Variants in SHKBP1 observed in about 807,000 individuals in gnomAD.
SHKBP1 encodes the protein SH3KBP1 binding protein 1, also known as SH3KBP1-binding protein 1.
In SHKBP1, 71 loss-of-function variants were observed where a neutral mutation model predicts 83.9. That is an observed-to-expected ratio of 0.85 (90% confidence interval 0.70 to 1.03). SHKBP1 has a LOEUF of 1.03. Among genes scored for constraint, SHKBP1 ranks in the 50% least tolerant of loss-of-function variants. The pLI is 0.00. For missense variants in SHKBP1, 824 were observed against 982.4 expected (o/e 0.84, Z 2.16); for synonymous variants, 371 against 398.0 (o/e 0.93, Z 0.81).
rs1435120094 is a variant in SHKBP1, at chr19:40,586,820, G to A, written c.1212G>A (p.Gly404=). ...WIEIAYGTSS[G]GVRVIVQHPE... is the part of the protein sequence containing the mutation. The stretch of plus-strand genomic sequence containing the variant: ...AGATCGCCTATGGCACCAGCTCAGG[G>A]GGCGTGCGGGTCATCGTGCAGCACC... Residue 404 remains glycine (G), a synonymous_variant, in exon 13 of 18, where the codon GGG becomes GGA. Coordinates refer to ENST00000291842, the MANE Select transcript of SHKBP1 (RefSeq NM_138392.4). The A allele has an allele frequency of 1.2e-6, 2 of 1,610,026 alleles. No individual in the cohort carries two copies. The highest frequency in any genetic ancestry group is 1.7e-6 in the Non-Finnish European group (2 of 1,177,402).
In SHKBP1 at chr19:40,591,068, G is replaced by C. The variant is rs1163700635; in HGVS notation, c.1985G>C (p.Ser662Thr). The change falls in exon 18 of 18, where the codon AGC (serine) becomes ACC (threonine). Residue 662 changes from serine (S) to threonine (T), a missense_variant. By Grantham distance (58) the Ser-to-Thr change is moderately conservative. This residue lies in a region of SHKBP1 where 287 missense variants were observed against 322.9 expected (regional missense o/e 0.89). Coordinates refer to ENST00000291842, the MANE Select transcript of SHKBP1 (RefSeq NM_138392.4). ...GAGGCCCGGCGCCGTGGTGGGGGCAGCTTTGTGGAACGCTGCCAGGAACTG... is the reference window on the plus strand; with the variant it reads ...GAGGCCCGGCGCCGTGGTGGGGGCACCTTTGTGGAACGCTGCCAGGAACTG... ...QAEARRRGGG[S>T]FVERCQELVR... The C allele has an allele frequency of 6.2e-7, 1 of 1,612,842 alleles. No individual in the cohort carries two copies. The highest frequency in any genetic ancestry group is 8.5e-7 in the Non-Finnish European group (1 of 1,179,252).
chr19:40,577,765 G>T, intron 4 of SHKBP1, 135 bp downstream of exon 4: 1 of 1,114,390 alleles, frequency 9.0e-7, no homozygotes, highest in Non-Finnish European at 1.3e-6. Flanking sequence ...GGCCGGGCGC[G>T]CCGGGATTGC....
rs1230696988 is a variant in SHKBP1 at position 40,580,736 on chromosome 19, G to A, written c.654-10G>A. On this transcript the variant is annotated splice_polypyrimidine_tract_variant and intron_variant, in intron 8 of 17. Coordinates refer to ENST00000291842, the MANE Select transcript of SHKBP1 (RefSeq NM_138392.4). ...CGGTGAGGGTTGGTGATGTCCCCTC[G>A]ATCCTACAGGTTGAAGGAAGCCTCT... 9.9e-6 allele frequency: 16 copies of A among 1,612,182 alleles called. No homozygotes were observed. Among genetic ancestry groups the A allele is most frequent in the East Asian group, 2.2e-5 (1 of 44,860 alleles).
At position 40,580,956 on chromosome 19, in the gene SHKBP1, C is replaced by T. The variant is rs1444072192; in HGVS notation, c.844+20C>T. 1 of 1,515,080 alleles carries T rather than the reference C, an allele frequency of 6.6e-7. No individual in the cohort carries two copies. The highest frequency in any genetic ancestry group is 8.8e-7 in the Non-Finnish European group (1 of 1,133,266). 93.9% of individuals were successfully genotyped at this position (1,515,080 alleles called of 1,614,324 possible). A position where few individuals can be genotyped will look rare whatever the true frequency, so the allele number is the denominator to read the frequency against. ...AGATAGGTATGACCCCAAGCCTTTT[C>T]CAGAACCCTCTGTCCTTTAAATTCT... On this transcript the variant is annotated intron_variant, in intron 9 of 17. Coordinates refer to ENST00000291842, the MANE Select transcript of SHKBP1 (RefSeq NM_138392.4).
rs760417133 is a variant in SHKBP1, at chr19:40,590,787, C to T, written c.1826C>T (p.Pro609Leu). 1.2e-5 allele frequency: 20 copies of T among 1,602,580 alleles called. No individual in the cohort carries two copies. In the East Asian group the frequency reaches 1.6e-4, roughly 13 times the overall value. The part of the protein sequence containing the change: ...MEQLEHCELA[P>L]PAPSAPSWGC... ...CAGCTGGAACACTGTGAGCTGGCCC[C>T]GCCGGCTCCTTCAGCTCCCTCATGG... is the stretch of plus-strand genomic sequence containing the variant. The change falls in exon 17 of 18, where the codon CCG becomes CTG. Residue 609 changes from proline to leucine, a missense_variant. Physicochemically the swap from Pro to Leu is moderately conservative, Grantham distance 98 (BLOSUM62 -3). Transcript: ENST00000291842. The surrounding 1 kb of genome is among the most constrained non-coding windows in gnomAD (Gnocchi z 4.6).
rs1211760211 is a variant in SHKBP1, at chr19:40,578,156, G to T, written c.263G>T (p.Gly88Val). ...CTCTAGTCAATTCTACTACCCAGGG[G>T]TGTCCACGGTTCCAGCCTCCTCCAT... ...FLRTKELDPRGVHGSSLLHEA... is the reference protein window; with the variant it reads ...FLRTKELDPRVVHGSSLLHEA... The change falls in exon 5 of 18, where the codon GGT becomes GTT. Residue 88 changes from glycine (G) to valine (V), a missense_variant and splice_region_variant. Transcript: ENST00000291842. The T allele has an allele frequency of 6.2e-7, 1 of 1,613,936 alleles. No homozygotes were observed. Among genetic ancestry groups the T allele is most frequent in the Admixed American group, 1.7e-5 (1 of 60,014 alleles).
chr19:40,589,760 A>G (rs2081342307), intron 15 of SHKBP1, among the ~76,000 whole-genome samples: 1 of 152,030 alleles, frequency 6.6e-6, no homozygotes, highest in Admixed American at 6.5e-5. Flanking sequence ...AGAGGCTGAG[A>G]AGGGCCAAAT....
intron 10 of SHKBP1, 123 bp downstream of exon 10, chr19:40,582,589 A>C: frequency 1.3e-6 from 1 of 746,154 alleles, no homozygotes; most frequent in Non-Finnish European, 2.2e-6. Context: ...GAGAACCAGC[A>C]GCTGGCCAGA....
At position 40,576,951 on chromosome 19, in the gene SHKBP1, G is replaced by C; in HGVS notation, c.52G>C (p.Gly18Arg). 1.3e-6 allele frequency: 2 copies of C among 1,504,018 alleles called. No individual in the cohort carries two copies. Among genetic ancestry groups the C allele is most frequent in the Non-Finnish European group, 1.8e-6 (2 of 1,130,874 alleles). The allele number at this position is 1,504,018 out of a possible 1,614,324, so 93.2% of individuals were successfully genotyped here. A position where few individuals can be genotyped will look rare whatever the true frequency, so the allele number is the denominator to read the frequency against. Reference sequence around the variant, plus strand: ...GGGGGTCCCCAGTCGGGGGCCTCCCGGGGAAGTCATTCATCTGAATGTGGG... The same window carrying C: ...GGGGGTCCCCAGTCGGGGGCCTCCCCGGGAAGTCATTCATCTGAATGTGGG... Reference protein sequence around the residue: ...AEGVPSRGPPGEVIHLNVGGK... With the variant: ...AEGVPSRGPPREVIHLNVGGK... Residue 18 changes from glycine (G) to arginine (R), a missense_variant, in exon 1 of 18, where the codon GGG becomes CGG. Physicochemically the swap from Gly to Arg is moderately radical, Grantham distance 125. This residue lies in a region of SHKBP1 where 355 missense variants were observed against 386.4 expected (regional missense o/e 0.92). Coordinates refer to ENST00000291842, the MANE Select transcript of SHKBP1 (RefSeq NM_138392.4).
Position 40,582,354 on chromosome 19 carries a change from TC to T in SHKBP1, c.849del (p.His285IlefsTer74). On this transcript the variant is annotated frameshift_variant, in exon 10 of 18. Transcript: ENST00000291842. LOFTEE classifies it high-confidence loss of function. ...QAEGGGSEIG[V>X]FHLGVPVEAL... ...GAGCCCTTTTTGCCCACTGCAGGGGTCTTTCATCTGGGGGTGCCTGTGGAGG... is the reference window on the plus strand; with the variant it reads ...GAGCCCTTTTTGCCCACTGCAGGGGTTTTCATCTGGGGGTGCCTGTGGAGG... 6.2e-7 allele frequency: 1 copy of T among 1,613,584 alleles called. No homozygotes were observed.
In SHKBP1 at chr19:40,582,927, G is replaced by C. The variant is rs144620324; in HGVS notation, c.960+461G>C. Among the ~76,000 whole-genome samples the C allele has an allele frequency of 1.4e-3, 217 of 152,072 alleles. 3 individuals carry two copies. Among genetic ancestry groups the C allele is most frequent in the African/African-American group, 4.9e-3 (202 of 41,484 alleles). The stretch of plus-strand genomic sequence containing the variant: ...AAATCAGAAAGAGGTGACAGAGAAG[G>C]GTAGACAGAGTCAAACCAGACTGAA... On this transcript the variant is annotated intron_variant, in intron 10 of 17. Coordinates refer to ENST00000291842, the MANE Select transcript of SHKBP1 (RefSeq NM_138392.4).
At chr19:40,578,608 G>A (rs2081242223) in intron 6 of SHKBP1, 66 bp downstream of exon 6, 1 of 1,451,046 alleles carries the variant, frequency 6.9e-7, no homozygotes, top group Non-Finnish European at 9.7e-7. Context: ...CCATAAGGCT[G>A]CAGCTCTCGG....
chr19:40,580,199 TA>T (rs1471782157), intron 6 of SHKBP1, 124 bp from the exon 7 acceptor site: 1 of 1,181,520 alleles, frequency 8.5e-7, no homozygotes, highest in Non-Finnish European at 1.2e-6. Flanking sequence ...CTGCACCACT[TA>T]AAATCTTCAC....
intron 12 of SHKBP1, among the ~76,000 whole-genome samples, chr19:40,586,263 C>G (rs1315095059): frequency 6.6e-6 from 1 of 152,098 alleles, no homozygotes; most frequent in Non-Finnish European, 1.5e-5. Context: ...GTGCCTTTGT[C>G]TCCCTGTTCC....
intron 4 of SHKBP1, chr19:40,577,905 G>A (rs2081232382): frequency 1.6e-6 from 1 of 618,454 alleles, no homozygotes; most frequent in South Asian, 1.9e-5. Flanking sequence ...AACTTCATGA[G>A]AATCTTGATC....
chr19:40,577,509 T>G, intron 3 of SHKBP1, 48 bp from the exon 4 acceptor site: 1 of 1,612,694 alleles, frequency 6.2e-7, no homozygotes, highest in Non-Finnish European at 8.5e-7. Flanking sequence ...AGGACCCCAC[T>G]CAGTCCTGCC....
intron 10 of SHKBP1, 188 bp downstream of exon 10, chr19:40,582,654 G>A (rs2081279349): frequency 1.7e-6 from 1 of 584,190 alleles, no homozygotes; most frequent in South Asian, 2.2e-5. Context: ...CCTTCCTGGA[G>A]GAGGTGCTGC....
intron 1 of SHKBP1, 110 bp downstream of exon 1, chr19:40,577,095 C>G (rs866263493): frequency 1.8e-5 from 25 of 1,357,712 alleles, no homozygotes; most frequent in Middle Eastern, 2.1e-4. Context: ...CCGCCCCCCC[C>G]CCCTTTGGAG....
Position 40,580,352 on chromosome 19 carries a change from C to T in SHKBP1, c.429C>T (p.His143=). The part of the protein sequence containing the change: ...PVFPVKRRNR[H]SLVGPQQLGG... ...TCCCAGTGAAGCGGCGGAACCGGCA[C>T]AGCCTAGTGGGGCCTCAGCAGCTAG... Residue 143 remains histidine, a synonymous_variant, in exon 7 of 18, where the codon CAC becomes CAT. Coordinates refer to ENST00000291842, the MANE Select transcript of SHKBP1 (RefSeq NM_138392.4). 1 of 1,614,212 alleles carries T rather than the reference C, an allele frequency of 6.2e-7. No homozygotes were observed.
Sources: gnomAD v4.1 joint callset for allele counts (sites outside exome capture counted in the v4.1 genomes callset) on GRCh38, gnomAD v4.1.1 for gene constraint, gnomAD v4.1.1 regional missense constraint, Gnocchi (gnomAD v3.1) non-coding constraint, MANE v1.5 for transcripts, NCBI Gene and HGNC (gene_info 2026-07-23, HGNC 2026-07-21) for gene names.